The following IFIH1 variants were observed in gnomAD, a reference collection of about 807,000 sequenced individuals.
The protein encoded by IFIH1 is interferon induced with helicase C domain 1.
A neutral mutation model predicts 107.4 loss-of-function variants in IFIH1; 125 were observed. The observed-to-expected ratio is 1.16, with a 90% CI of 1.01 to 1.35. IFIH1 has a LOEUF of 1.35. Among genes scored for constraint, IFIH1 ranks in the 40% most tolerant of loss-of-function variants. The probability of loss-of-function intolerance (pLI) is 0.00; values close to 1 mark genes in which losing one functional copy is unlikely to be tolerated. For synonymous variants in IFIH1, 458 were observed against 413.2 expected, an observed-to-expected ratio of 1.11 and a Z score of -1.31; for missense variants, 1,333 against 1,213.7, an observed-to-expected ratio of 1.10 and a Z score of -1.46.
rs1690942148 is a variant in IFIH1, at chr2:162,267,253, T to C, written c.3025A>G (p.Thr1009Ala). The C allele has an allele frequency of 1.2e-6, 2 of 1,610,482 alleles. No individual in the cohort carries two copies. Among genetic ancestry groups the C allele is most frequent in the African/African-American group, 2.7e-5 (2 of 74,808 alleles). The change falls in exon 16 of 16, where the codon ACA becomes GCA. Residue 1009 changes from threonine (T) to alanine (A), a missense_variant. By Grantham distance (58) the Thr-to-Ala change is moderately conservative (BLOSUM62 0). Transcript: ENST00000649979. The part of the protein sequence containing the change: ...QYKKWVELPI[T>A]FPNLDYSECC... The stretch of plus-strand genomic sequence containing the variant: ...TCTGAATAGTCAAGATTGGGAAATG[T>C]GATAGGTAATTCTACCCACTTTTTG...
rs1690960964 is a variant in IFIH1, at chr2:162,268,123, T to C, written c.2771A>G (p.Glu924Gly). ...ACSGEDIHVI[E>G]KMHHVNMTPE... The stretch of plus-strand genomic sequence containing the variant: ...GGTCATATTGACGTGATGCATTTTC[T>C]CAATTACATGGATATCTTCCCCAGA... The change falls in exon 14 of 16, where the codon GAG (glutamate) becomes GGG (glycine). Residue 924 changes from glutamate to glycine, a missense_variant. Transcript: ENST00000649979. The C allele has an allele frequency of 1.9e-6, 3 of 1,608,080 alleles. No individual in the cohort carries two copies. Among genetic ancestry groups the C allele is most frequent in the Non-Finnish European group, 1.7e-6 (2 of 1,177,930 alleles).
chr2:162,318,294 T>C lies in IFIH1; in HGVS notation c.14A>G (p.Tyr5Cys), dbSNP rs1485039163. The change falls in exon 1 of 16, where the codon TAT (tyrosine) becomes TGT (cysteine). Residue 5 changes from tyrosine (Y) to cysteine (C), a missense_variant. Tyr to Cys is a radical substitution (Grantham distance 194). Transcript: ENST00000649979. ...ATAGCGGAAATTCTCGTCTGTGGAA[T>C]ACCCATTCGACATCTTTCTTTCTCA... is the stretch of plus-strand genomic sequence containing the variant. MSNG[Y>C]STDENFRYLI... 1 of 1,611,872 alleles carries C rather than the reference T, an allele frequency of 6.2e-7. No homozygotes were observed. Among genetic ancestry groups the C allele is most frequent in the Non-Finnish European group, 8.5e-7 (1 of 1,178,310 alleles).
At chr2:162,297,225 G>A (rs563109692) in intron 3 of IFIH1, among the ~76,000 whole-genome samples, 1 of 152,186 alleles carries the variant, frequency 6.6e-6, no homozygotes, top group African/African-American at 2.4e-5. Context: ...GACCTATTGA[G>A]TTTAAATGCC....
chr2:162,288,923 A>G (rs1682945235), intron 4 of IFIH1, among the ~76,000 whole-genome samples: 1 of 126,372 alleles, frequency 7.9e-6, no homozygotes, highest in African/African-American at 5.3e-5. Flanking sequence ...AAAAGCACAC[A>G]CACACACACA....
At chr2:162,276,413 G>A (rs1386099033) in intron 11 of IFIH1, among the ~76,000 whole-genome samples, 1 of 152,122 alleles carries the variant, frequency 6.6e-6, no homozygotes, top group East Asian at 1.9e-4. Flanking sequence ...GACAAGCCAG[G>A]ACAACATAGT....
rs960852139 is a variant in IFIH1 at position 162,281,868 on chromosome 2, T to C, written c.1307-323A>G. Reference sequence around the variant, plus strand: ...CAAAACAAATCTCAGGATTTTACTTTTGTTCTTTAATAAAATATTTAATTT... The same window carrying C: ...CAAAACAAATCTCAGGATTTTACTTCTGTTCTTTAATAAAATATTTAATTT... On this transcript the variant is annotated intron_variant, in intron 6 of 15. Transcript: ENST00000649979. Among the ~76,000 whole-genome samples the C allele has an allele frequency of 5.3e-5, 8 of 152,190 alleles. No homozygotes were observed. In the South Asian group the frequency reaches 1.0e-3, roughly 20 times the overall value.
intron 2 of IFIH1, among the ~76,000 whole-genome samples, chr2:162,307,411 G>A (rs540423409): frequency 1.4e-4 from 22 of 152,272 alleles, no homozygotes; most frequent in African/African-American, 4.6e-4. Flanking sequence ...TGTTCTGCAC[G>A]AGACGTACAT....
chr2:162,308,093 A>AGT (rs1683319333), intron 2 of IFIH1, among the ~76,000 whole-genome samples: 1 of 152,218 alleles, frequency 6.6e-6, no homozygotes. Flanking sequence ...AAGCTCCTAC[A>AGT]GTAGTCTGTT....
intron 3 of IFIH1, among the ~76,000 whole-genome samples, chr2:162,304,174 A>G (rs1256116346): frequency 2.0e-5 from 3 of 152,178 alleles, no homozygotes; most frequent in African/African-American, 7.2e-5. Context: ...ATCGCATTAC[A>G]TTAAAAAACA....
At chr2:162,298,059 A>T (rs1683125348) in intron 3 of IFIH1, among the ~76,000 whole-genome samples, 1 of 152,166 alleles carries the variant, frequency 6.6e-6, no homozygotes, top group African/African-American at 2.4e-5. Context: ...TCAAACCAAA[A>T]AAAATAAATA....
At chr2:162,270,017 G>T (rs1424730838) in intron 13 of IFIH1, among the ~76,000 whole-genome samples, 1 of 152,120 alleles carries the variant, frequency 6.6e-6, no homozygotes, top group Non-Finnish European at 1.5e-5. Context: ...TGGGAATTAA[G>T]AAATGTGTAT....
chr2:162,286,969 C>T (rs565881594), intron 5 of IFIH1, among the ~76,000 whole-genome samples: 8 of 151,664 alleles, frequency 5.3e-5, no homozygotes, highest in East Asian at 2.0e-4. Context: ...TTCAAAGTAC[C>T]GGTAGGTAGA....
At position 162,271,055 on chromosome 2, in the gene IFIH1, T is replaced by A. The variant is rs558325449; in HGVS notation, c.2616+1171A>T. Among the ~76,000 whole-genome samples, 15 of 152,312 alleles carry A rather than the reference T, an allele frequency of 9.8e-5. No individual in the cohort carries two copies. The South Asian group carries it at 1.0e-3, about 11-fold the overall frequency. The stretch of plus-strand genomic sequence containing the variant: ...TTGCTATTATAGTAGTTACAGTTTT[T>A]AATTCAGTGGTATGGGGGATTTCCT... On this transcript the variant is annotated intron_variant, in intron 13 of 15. Coordinates refer to ENST00000649979, the MANE Select transcript of IFIH1 (RefSeq NM_022168.4).
In IFIH1 at chr2:162,282,449, T is replaced by G; in HGVS notation, c.1223A>C (p.Asp408Ala). 1 of 1,611,922 alleles carries G rather than the reference T, an allele frequency of 6.2e-7. No individual in the cohort carries two copies. Among genetic ancestry groups the G allele is most frequent in the Non-Finnish European group, 8.5e-7 (1 of 1,178,518 alleles). The change falls in exon 6 of 16, where the codon GAT becomes GCT. Residue 408 changes from aspartate to alanine, a missense_variant. Transcript: ENST00000649979. ...ISFPEVVKSC[D>A]IIISTAQILE... ...GATTTGAGCTGTACTGATAATAATATCACAGGACTTGACAACTTCTGGAAA... is the reference window on the plus strand; with the variant it reads ...GATTTGAGCTGTACTGATAATAATAGCACAGGACTTGACAACTTCTGGAAA...
chr2:162,284,833 T>G (rs1381986284), intron 5 of IFIH1, among the ~76,000 whole-genome samples: 3 of 152,036 alleles, frequency 2.0e-5, no homozygotes, highest in Admixed American at 2.0e-4. Context: ...TGATTTGTCT[T>G]TAAATACACT....
At chr2:162,279,503 TTAAAG>T (rs1305648450) in intron 8 of IFIH1, among the ~76,000 whole-genome samples, 1 of 152,070 alleles carries the variant, frequency 6.6e-6, no homozygotes, top group African/African-American at 2.4e-5. Flanking sequence ...AAAAGCATCA[TTAAAG>T]TAAATATTTC....
intron 1 of IFIH1, among the ~76,000 whole-genome samples, chr2:162,313,980 G>T (rs1355810431): frequency 6.6e-6 from 1 of 152,170 alleles, no homozygotes; most frequent in Non-Finnish European, 1.5e-5. Flanking sequence ...TAAATGGAAG[G>T]TGTGTGGAGT....
rs569337014 is a variant in IFIH1, at chr2:162,277,435, AATCT to A, written c.2020_2023del (p.Arg674PhefsTer3). ...CTTACCAAAAAATAAAGTCATGAGA[AATCT>A]ATCTGTTTCATCCAGTTTCAAAGGT... On this transcript the variant is annotated frameshift_variant, in exon 10 of 16. Coordinates refer to ENST00000649979, the MANE Select transcript of IFIH1 (RefSeq NM_022168.4). LOFTEE classifies it high-confidence loss of function. 1.5e-4 allele frequency: 236 copies of A among 1,608,938 alleles called. No individual in the cohort carries two copies. The Admixed American group carries it at 3.4e-3, about 23-fold the overall frequency.
At chr2:162,315,439 G>T (rs1683475085) in intron 1 of IFIH1, among the ~76,000 whole-genome samples, 1 of 152,122 alleles carries the variant, frequency 6.6e-6, no homozygotes, top group East Asian at 1.9e-4. Flanking sequence ...GCGACATGGG[G>T]AATTTACCTC....
Sources: allele counts gnomAD v4.1 joint callset (sites outside exome capture counted in the v4.1 genomes callset), GRCh38; gene constraint gnomAD v4.1.1; transcripts MANE v1.5; gene names NCBI Gene and HGNC (gene_info 2026-07-23, HGNC 2026-07-21).